The following SPIDR variants were observed in gnomAD, a reference collection of about 807,000 sequenced individuals.
The protein encoded by SPIDR is scaffold protein involved in DNA repair, also known as DNA repair-scaffolding protein.
A neutral mutation model predicts 104.6 loss-of-function variants in SPIDR; 93 were observed. The observed-to-expected ratio is 0.89, with a 90% confidence interval of 0.75 to 1.06. The LOEUF is 1.06. Ranked by LOEUF, SPIDR falls within the 50% of genes least tolerant of loss-of-function variation. The pLI, the probability that SPIDR is intolerant of heterozygous loss-of-function variation, is 0.00. For synonymous variants in SPIDR, 431 were observed against 416.9 expected (o/e 1.03, Z -0.41); for missense variants, 1,154 against 1,111.2 (o/e 1.04, Z -0.55).
intron 5 of SPIDR, among the ~76,000 whole-genome samples, chr8:47,382,922 GT>G (rs548966778): frequency 1.6e-3 from 238 of 152,240 alleles, no homozygotes; most frequent in African/African-American, 5.6e-3. Context: ...TTTTCTTATC[GT>G]TTTGACTGCC....
intron 19 of SPIDR, among the ~76,000 whole-genome samples, chr8:47,729,944 C>T (rs2084930732): frequency 6.6e-6 from 1 of 152,128 alleles, no homozygotes; most frequent in Non-Finnish European, 1.5e-5. Context: ...GTCTCGAACT[C>T]TTGACCTCAG....
At chr8:47,685,493 A>ATTTTTTTTTTTTTTTT (rs1563538977) in intron 11 of SPIDR, among the ~76,000 whole-genome samples, 1 of 114,262 alleles carries the variant, frequency 8.8e-6, no homozygotes, top group Admixed American at 9.6e-5. Context: ...TTATTTATTT[A>ATTTTTTTTTTTTTTTT]TTTATTTATT....
chr8:47,331,101 A>G (rs572170601), intron 5 of SPIDR, among the ~76,000 whole-genome samples: 1 of 152,342 alleles, frequency 6.6e-6, no homozygotes, highest in East Asian at 1.9e-4. Flanking sequence ...CTGGTAATAT[A>G]TGATGTGGAG....
chr8:47,407,611 A>G (rs962699697), intron 6 of SPIDR, among the ~76,000 whole-genome samples: 2 of 152,240 alleles, frequency 1.3e-5, no homozygotes, highest in Non-Finnish European at 2.9e-5. Flanking sequence ...TCATATTTCC[A>G]AGAATGTGAT....
At chr8:47,733,198 C>A (rs1328866232) in intron 19 of SPIDR, among the ~76,000 whole-genome samples, 1 of 152,134 alleles carries the variant, frequency 6.6e-6, no homozygotes, top group Non-Finnish European at 1.5e-5. Flanking sequence ...ACCAGCCTGG[C>A]CAACATGGTG....
chr8:47,421,682 C>T (rs1447532673), intron 7 of SPIDR, among the ~76,000 whole-genome samples: 1 of 152,204 alleles, frequency 6.6e-6, no homozygotes, highest in Non-Finnish European at 1.5e-5. Context: ...GGAGGAGAGG[C>T]TCTCTGCTTT....
At chr8:47,690,349 GA>G (rs1265353617) in intron 11 of SPIDR, among the ~76,000 whole-genome samples, 1 of 151,932 alleles carries the variant, frequency 6.6e-6, no homozygotes, top group Non-Finnish European at 1.5e-5. Context: ...AGTGTGTAAA[GA>G]ACATTTTTTT....
intron 10 of SPIDR, among the ~76,000 whole-genome samples, chr8:47,651,152 A>G (rs1284831756): frequency 6.6e-6 from 1 of 152,204 alleles, no homozygotes; most frequent in Non-Finnish European, 1.5e-5. Context: ...CATCAAACAG[A>G]CAACTCACAG....
chr8:47,287,227 G>A (rs2039015166), intron 3 of SPIDR, among the ~76,000 whole-genome samples: 1 of 149,600 alleles, frequency 6.7e-6, no homozygotes, highest in Admixed American at 6.6e-5. Flanking sequence ...TGCTTCTGAG[G>A]CCAATAAAGA....
chr8:47,490,167 C>G (rs1463915402), intron 8 of SPIDR, among the ~76,000 whole-genome samples: 1 of 151,974 alleles, frequency 6.6e-6, no homozygotes, highest in African/African-American at 2.4e-5. Flanking sequence ...AAAAAACAAC[C>G]CCATCAAAAA....
intron 8 of SPIDR, among the ~76,000 whole-genome samples, chr8:47,548,666 G>C (rs1338696918): frequency 1.3e-5 from 2 of 152,034 alleles, no homozygotes; most frequent in African/African-American, 2.4e-5. Flanking sequence ...GAACAAAAGG[G>C]AAAAAGTAAG....
intron 10 of SPIDR, among the ~76,000 whole-genome samples, chr8:47,629,146 C>A (rs992446699): frequency 8.5e-4 from 130 of 152,138 alleles, no homozygotes; most frequent in Non-Finnish European, 1.5e-4. Flanking sequence ...TGTCTTTTCC[C>A]CTAGAATAGG....
intron 8 of SPIDR, among the ~76,000 whole-genome samples, chr8:47,555,147 T>G (rs78540916): frequency 3.3e-5 from 5 of 152,204 alleles, no homozygotes; most frequent in African/African-American, 1.2e-4. Flanking sequence ...TCTGTACTTA[T>G]GATCATTATT....
intron 5 of SPIDR, among the ~76,000 whole-genome samples, chr8:47,312,018 T>C (rs1346687705): frequency 1.3e-5 from 2 of 152,164 alleles, no homozygotes; most frequent in Non-Finnish European, 2.9e-5. Context: ...TGGTTTCCAG[T>C]TTGATCCATG....
At chr8:47,720,848 C>G (rs937143007) in intron 16 of SPIDR, among the ~76,000 whole-genome samples, 4 of 152,038 alleles carry the variant, frequency 2.6e-5, no homozygotes, top group Non-Finnish European at 4.4e-5. Flanking sequence ...ACTTCCACCC[C>G]GCTGGTTCAA....
At chr8:47,733,079 T>G (rs2085531719) in intron 19 of SPIDR, among the ~76,000 whole-genome samples, 1 of 152,244 alleles carries the variant, frequency 6.6e-6, no homozygotes, top group South Asian at 2.1e-4. Flanking sequence ...TCCATGTTAA[T>G]TTCTCCCACA....
chr8:47,324,357 T>C (rs551599886), intron 5 of SPIDR, among the ~76,000 whole-genome samples: 1 of 151,670 alleles, frequency 6.6e-6, no homozygotes, highest in East Asian at 2.0e-4. Context: ...CATGTATGTG[T>C]CTGTTGTCAT....
intron 15 of SPIDR, 99 bp from the exon 16 acceptor site, chr8:47,713,390 C>T (rs2082139426): frequency 6.5e-7 from 1 of 1,533,776 alleles, no homozygotes; most frequent in Non-Finnish European, 8.9e-7. Context: ...ACTGCACCTT[C>T]ACCTGCATGA....
chr8:47,658,206 G>A (rs2073291180), intron 10 of SPIDR, among the ~76,000 whole-genome samples: 2 of 151,848 alleles, frequency 1.3e-5, no homozygotes, highest in African/African-American at 2.4e-5. Context: ...ATCACCTGAG[G>A]TCGGAAGTTT....
Sources: gnomAD v4.1 joint callset for allele counts (sites outside exome capture counted in the v4.1 genomes callset) on GRCh38, gnomAD v4.1.1 for gene constraint, MANE v1.5 for transcripts, NCBI Gene and HGNC (gene_info 2026-07-23, HGNC 2026-07-21) for gene names.